Variants in TJP2 observed in about 807,000 individuals in gnomAD.
The protein encoded by TJP2 is tight junction protein 2.
Under a neutral mutation model 133.1 loss-of-function variants are expected in TJP2, and 91 were observed. The ratio of observed to expected loss-of-function variants is 0.68; its 90% confidence interval spans 0.58 to 0.81. TJP2 has a LOEUF of 0.81. Among genes scored for constraint, TJP2 ranks in the 40% least tolerant of loss-of-function variants. TJP2 has a pLI of 0.00. For missense variants in TJP2, 1,541 were observed against 1,565.6 expected (o/e 0.98, Z 0.26); for synonymous variants, 592 against 583.4 (o/e 1.01, Z -0.21).
chr9:69,181,989 C>A (rs892129640), intron 1 of TJP2, among the ~76,000 whole-genome samples: 1 of 152,152 alleles, frequency 6.6e-6, no homozygotes, highest in South Asian at 2.1e-4. Context: ...TTCCTCTCCA[C>A]CCCCATGGAC....
chr9:69,223,780 C>T (rs958302539), intron 5 of TJP2, among the ~76,000 whole-genome samples: 4 of 152,258 alleles, frequency 2.6e-5, no homozygotes, highest in Non-Finnish European at 5.9e-5. Flanking sequence ...TCTTGACTAT[C>T]AGCTTCCTAA....
intron 2 of TJP2, among the ~76,000 whole-genome samples, chr9:69,168,712 T>C (rs1824498569): frequency 6.6e-6 from 1 of 151,396 alleles, no homozygotes; most frequent in Admixed American, 6.6e-5. Context: ...GGAGAATCGC[T>C]TGAACCTGGG....
chr9:69,173,797 CCCCGCGA>C (rs1453519470), upstream of TJP2, among the ~76,000 whole-genome samples: 1 of 152,162 alleles, frequency 6.6e-6, no homozygotes, highest in African/African-American at 2.4e-5. Flanking sequence ...TACAGGATGC[CCCCGCGA>C]CCTCACCGGG....
At position 69,252,840 on chromosome 9, in the gene TJP2, A is replaced by T. The variant is rs770714961; in HGVS notation, c.3347A>T (p.Asp1116Val). ...ARIEIAQKHPDIYAVPIKTHK... is the reference protein window; with the variant it reads ...ARIEIAQKHPVIYAVPIKTHK... ...ATCGAAATTGCCCAGAAGCATCCTGATATCTATGCAGTTCCAATCAAAACG... is the reference window on the plus strand; with the variant it reads ...ATCGAAATTGCCCAGAAGCATCCTGTTATCTATGCAGTTCCAATCAAAACG... Residue 1116 changes from aspartate (D) to valine (V), a missense_variant, in exon 22 of 23, where the codon GAT becomes GTT. By Grantham distance (152) the Asp-to-Val change is radical. Transcript: ENST00000377245. The T allele has an allele frequency of 1.2e-6, 2 of 1,614,138 alleles. No homozygotes were observed.
rs549893105 is a variant in TJP2 at position 69,236,231 on chromosome 9, A to G, written c.1984A>G (p.Lys662Glu). The change falls in exon 13 of 23, where the codon AAG becomes GAG. Residue 662 changes from lysine (K) to glutamate (E), a missense_variant. Coordinates refer to ENST00000377245, the MANE Select transcript of TJP2 (RefSeq NM_004817.4). ...GTTGGAGAAAGGCTTAATCCCCAAC[A>G]AGAGCAGGTAACAGAGATCGCATTC... is the stretch of plus-strand genomic sequence containing the variant. The part of the protein sequence containing the change: ...NELEKGLIPN[K>E]SRAEQMASVQ... 1 of 1,613,952 alleles carries G rather than the reference A, an allele frequency of 6.2e-7. No homozygotes were observed. Among genetic ancestry groups the G allele is most frequent in the Admixed American group, 1.7e-5 (1 of 60,018 alleles).
At chr9:69,178,417 C>G (rs576605846) in intron 1 of TJP2, among the ~76,000 whole-genome samples, 1 of 152,272 alleles carries the variant, frequency 6.6e-6, no homozygotes, top group Admixed American at 6.5e-5. Context: ...GAAAAATTAT[C>G]AACTCTGGGA....
At chr9:69,207,500 T>C (rs1225712086) in intron 1 of TJP2, among the ~76,000 whole-genome samples, 1 of 152,206 alleles carries the variant, frequency 6.6e-6, no homozygotes, top group African/African-American at 2.4e-5. Flanking sequence ...TTGGGAACAT[T>C]GCTGCTGTGA....
At chr9:69,235,295 TTTTATTTATTTATTTA>T (rs929800157) in intron 12 of TJP2, among the ~76,000 whole-genome samples, 21 of 113,360 alleles carry the variant, frequency 1.9e-4, no homozygotes, top group Non-Finnish European at 3.8e-4. Context: ...CCTCCTAATT[TTTTATTTATTTATTTA>T]TTTATTTATT....
chr9:69,186,571 T>G (rs546042094), intron 1 of TJP2, among the ~76,000 whole-genome samples: 1 of 152,332 alleles, frequency 6.6e-6, no homozygotes, highest in South Asian at 2.1e-4. Context: ...CAGTTTACAG[T>G]GGCTGATACA....
intron 1 of TJP2, among the ~76,000 whole-genome samples, chr9:69,181,494 T>C (rs1012986886): frequency 2.0e-5 from 3 of 152,188 alleles, no homozygotes; most frequent in African/African-American, 7.2e-5. Flanking sequence ...GTGATCCGCC[T>C]GCCTTGGCCT....
intron 1 of TJP2, among the ~76,000 whole-genome samples, chr9:69,146,748 T>C (rs1823230717): frequency 6.6e-6 from 1 of 152,024 alleles, no homozygotes. Context: ...TTTGTTGTTA[T>C]AGCCCAGGGG....
chr9:69,149,114 A>G (rs1823352374), intron 1 of TJP2, among the ~76,000 whole-genome samples: 1 of 152,194 alleles, frequency 6.6e-6, no homozygotes, highest in Non-Finnish European at 1.5e-5. Flanking sequence ...TAGAGGCCCT[A>G]TTCAATAATA....
intron 1 of TJP2, among the ~76,000 whole-genome samples, chr9:69,189,651 G>A (rs1052539285): frequency 9.1e-5 from 2 of 21,936 alleles, no homozygotes; most frequent in African/African-American, 1.4e-4. Flanking sequence ...TTTTTTTTAA[G>A]TTTAAAAAAG....
intron 1 of TJP2, among the ~76,000 whole-genome samples, chr9:69,140,820 C>T (rs1822987937): frequency 6.6e-6 from 1 of 152,136 alleles, no homozygotes; most frequent in Admixed American, 6.6e-5. Context: ...AGCGGTGTTC[C>T]CTCACATAAG....
chr9:69,208,205 C>G (rs1269847170), intron 1 of TJP2, among the ~76,000 whole-genome samples: 1 of 152,198 alleles, frequency 6.6e-6, no homozygotes. Context: ...TATTTTTGCT[C>G]TAGTTCCCTT....
intron 1 of TJP2, among the ~76,000 whole-genome samples, chr9:69,207,864 A>T (rs1238420354): frequency 1.3e-5 from 2 of 152,196 alleles, no homozygotes; most frequent in African/African-American, 4.8e-5. Context: ...TGTTCTGAGG[A>T]ATAAGGATGA....
rs1442185437 is a variant in TJP2, at chr9:69,194,129, G to A, written c.61-18419G>A. ...GTATCAATTTACTAAGTTTTGTCATGTGCCTCTATAAGGAATTCACAGTCT... is the reference window on the plus strand; with the variant it reads ...GTATCAATTTACTAAGTTTTGTCATATGCCTCTATAAGGAATTCACAGTCT... On this transcript the variant is annotated intron_variant, in intron 1 of 22. Coordinates refer to ENST00000377245, the MANE Select transcript of TJP2 (RefSeq NM_004817.4). Among the ~76,000 whole-genome samples, 3 of 152,152 alleles carry A rather than the reference G, an allele frequency of 2.0e-5. No homozygotes were observed. The East Asian group carries it at 5.8e-4, about 29-fold the overall frequency.
chr9:69,173,696 C>T (rs1824819938), upstream of TJP2, among the ~76,000 whole-genome samples: 2 of 152,174 alleles, frequency 1.3e-5, no homozygotes, highest in African/African-American at 2.4e-5. Context: ...TAGACAGGAC[C>T]TAAAACTTTG....
intron 1 of TJP2, among the ~76,000 whole-genome samples, chr9:69,200,260 T>C (rs1348854244): frequency 6.6e-6 from 1 of 152,176 alleles, no homozygotes; most frequent in Non-Finnish European, 1.5e-5. Context: ...GACCAGTTAG[T>C]CATCCTTCAG....
Sources: allele counts gnomAD v4.1 joint callset (sites outside exome capture counted in the v4.1 genomes callset), GRCh38; gene constraint gnomAD v4.1.1; transcripts MANE v1.5; gene names NCBI Gene and HGNC (gene_info 2026-07-23, HGNC 2026-07-21).